The following C12orf42 variants were observed in gnomAD, a reference collection of about 807,000 sequenced individuals.
C12orf42 encodes uncharacterized protein C12orf42.
In C12orf42, 25 loss-of-function variants were observed where a neutral mutation model predicts 21.6. The ratio of observed to expected loss-of-function variants is 1.16; its 90% CI spans 0.84 to 1.62. The LOEUF (loss-of-function observed/expected upper bound fraction) is 1.62, where lower values mean the gene tolerates loss of function less well. Ranked by LOEUF, C12orf42 falls within the 40% of genes most tolerant of loss-of-function variation. The probability of loss-of-function intolerance (pLI) is 0.00; values close to 1 mark genes in which losing one functional copy is unlikely to be tolerated. For missense variants in C12orf42, 483 were observed against 459.3 expected, an observed-to-expected ratio of 1.05 and a Z score of -0.47; for synonymous variants, 174 against 175.0, an observed-to-expected ratio of 0.99 and a Z score of 0.05.
chr12:103,433,621 AT>A (rs1380125162), intron 2 of C12orf42, among the ~76,000 whole-genome samples: 1 of 152,214 alleles, frequency 6.6e-6, no homozygotes, highest in Non-Finnish European at 1.5e-5. Context: ...TGGGAGGGAC[AT>A]TTACAAAGAA....
the C12orf42 span, among the ~76,000 whole-genome samples, chr12:103,190,713 A>G: frequency 1.3e-5 from 2 of 152,232 alleles, no homozygotes; most frequent in Middle Eastern, 3.2e-3. Flanking sequence ...TCAGAGGAAC[A>G]AAAAGAGAAA....
the C12orf42 span, among the ~76,000 whole-genome samples, chr12:103,162,318 G>T: frequency 1.3e-5 from 2 of 152,292 alleles, no homozygotes; most frequent in South Asian, 4.1e-4. Context: ...CTTGAGCTCA[G>T]TACCCACTGG....
chr12:103,183,257 T>A, the C12orf42 span, among the ~76,000 whole-genome samples: 3 of 152,330 alleles, frequency 2.0e-5, no homozygotes, highest in East Asian at 5.8e-4. Context: ...AATTTTTGTA[T>A]TTTTAGTAGA....
chr12:103,429,866 G>C (rs1040685996), intron 2 of C12orf42, among the ~76,000 whole-genome samples: 1 of 152,090 alleles, frequency 6.6e-6, no homozygotes, highest in African/African-American at 2.4e-5. Context: ...ACAAGCAATA[G>C]GGAAAGGATT....
intron 2 of C12orf42, among the ~76,000 whole-genome samples, chr12:103,443,603 T>C (rs927123793): frequency 2.6e-5 from 4 of 152,124 alleles, no homozygotes; most frequent in Non-Finnish European, 5.9e-5. Context: ...ATTTTTTCAA[T>C]TAGCAATAAT....
At chr12:103,157,894 C>A in the C12orf42 span, among the ~76,000 whole-genome samples, 1,981 of 152,104 alleles carry the variant, frequency 0.013, 18 homozygotes, top group Middle Eastern at 0.031. Context: ...AGAAACATGA[C>A]CATATATGTT....
At chr12:103,394,824 C>A (rs1180557728) in intron 3 of C12orf42, among the ~76,000 whole-genome samples, 1 of 152,054 alleles carries the variant, frequency 6.6e-6, no homozygotes, top group African/African-American at 2.4e-5. Context: ...GAAATTCCAT[C>A]CAGTGTGGGG....
At chr12:103,374,094 T>A (rs535517095) in intron 3 of C12orf42, among the ~76,000 whole-genome samples, 14 of 152,286 alleles carry the variant, frequency 9.2e-5, no homozygotes, top group African/African-American at 3.4e-4. Flanking sequence ...AAATGATGTG[T>A]GTGTAAGCCT....
chr12:103,343,775 A>C (rs1174684214), intron 4 of C12orf42, among the ~76,000 whole-genome samples: 1 of 130,130 alleles, frequency 7.7e-6, no homozygotes, highest in Non-Finnish European at 1.6e-5. Context: ...ACTCTGTCAC[A>C]AAAAAAAAAA....
chr12:103,456,175 A>T (rs778640676), intron 2 of C12orf42: 1 of 152,060 alleles, frequency 6.6e-6, no homozygotes, highest in Non-Finnish European at 1.5e-5. Context: ...GGGCAATTGC[A>T]CTCACTGGGC....
intron 4 of C12orf42, chr12:103,349,108 T>A (rs928673749): frequency 6.6e-6 from 1 of 152,166 alleles, no homozygotes; most frequent in Non-Finnish European, 1.5e-5. Context: ...ATGACTTAGT[T>A]AAAGTCTGTG....
At chr12:103,271,132 C>T (rs1474420775) in intron 5 of C12orf42, among the ~76,000 whole-genome samples, 1 of 152,136 alleles carries the variant, frequency 6.6e-6, no homozygotes, top group African/African-American at 2.4e-5. Context: ...TTGCAAGCCA[C>T]AGTGACCCCT....
chr12:103,101,055 CAT>C, the C12orf42 span, among the ~76,000 whole-genome samples: 1 of 152,162 alleles, frequency 6.6e-6, no homozygotes, highest in Non-Finnish European at 1.5e-5. Flanking sequence ...TCTTGAGCAT[CAT>C]TTTAAACTCG....
intron 4 of C12orf42, among the ~76,000 whole-genome samples, chr12:103,328,601 C>G (rs2040921271): frequency 6.6e-6 from 1 of 152,178 alleles, no homozygotes. Context: ...AAACTCAATC[C>G]TTTCCACAAA....
the C12orf42 span, chr12:103,156,002 TTAA>T: frequency 6.6e-6 from 1 of 151,830 alleles, no homozygotes; most frequent in African/African-American, 2.4e-5. Context: ...TGAACATTTG[TTAA>T]TATTATTTTA....
chr12:103,216,869 G>C, the C12orf42 span, among the ~76,000 whole-genome samples: 1 of 151,824 alleles, frequency 6.6e-6, no homozygotes, highest in African/African-American at 2.4e-5. Flanking sequence ...TTGAGATGGA[G>C]TCCCGCTCTG....
chr12:103,090,738 G>C, the C12orf42 span, among the ~76,000 whole-genome samples: 1 of 151,944 alleles, frequency 6.6e-6, no homozygotes, highest in African/African-American at 2.4e-5. Flanking sequence ...ACCGGGAGTT[G>C]TAGAATATTT....
intron 4 of C12orf42, among the ~76,000 whole-genome samples, chr12:103,283,519 C>T (rs1336738301): frequency 6.6e-6 from 1 of 152,208 alleles, no homozygotes; most frequent in Non-Finnish European, 1.5e-5. Flanking sequence ...TCCACCTCAC[C>T]TCTGATCACA....
chr12:103,251,407 G>C (rs1252091561), intron 10 of C12orf42, among the ~76,000 whole-genome samples: 1 of 152,106 alleles, frequency 6.6e-6, no homozygotes. Flanking sequence ...CTGCATTGGG[G>C]AAATTCCAAT....
Sources: gnomAD v4.1 joint callset for allele counts (sites outside exome capture counted in the v4.1 genomes callset) on GRCh38, gnomAD v4.1.1 for gene constraint, MANE v1.5 for transcripts, NCBI Gene and HGNC (gene_info 2026-07-23, HGNC 2026-07-21) for gene names.